Variants in ASXL2 observed in about 807,000 individuals in gnomAD.
ASXL2 encodes the protein ASXL transcriptional regulator 2.
In ASXL2, 23 loss-of-function variants were observed where a neutral mutation model predicts 122.0. The observed-to-expected ratio is 0.19, with a 90% CI of 0.14 to 0.27. ASXL2 has a LOEUF of 0.27. Ranked by LOEUF, ASXL2 falls within the 10% of genes least tolerant of loss-of-function variation. ASXL2 has a pLI of 1.00. For synonymous variants in ASXL2, 650 were observed against 637.0 expected, an observed-to-expected ratio of 1.02 and a Z score of -0.31; for missense variants, 1,518 against 1,713.8, an observed-to-expected ratio of 0.89 and a Z score of 2.02.
At chr2:25,845,587 AAATT>A in intron 1 of ASXL2, 24 bp from the exon 2 acceptor site, 1 of 1,012,148 alleles carries the variant, frequency 9.9e-7, no homozygotes, top group Non-Finnish European at 1.3e-6. Context: ...ATATAATAAT[AAATT>A]ATTTCTTATT....
At chr2:25,767,400 C>T (rs1026247834) in intron 8 of ASXL2, among the ~76,000 whole-genome samples, 183 bp downstream of exon 8, 4 of 152,164 alleles carry the variant, frequency 2.6e-5, no homozygotes, top group South Asian at 2.1e-4. Context: ...AAATCAATTC[C>T]GTTCCTGTTA....
At chr2:25,862,488 A>C (rs1315485396) in intron 1 of ASXL2, among the ~76,000 whole-genome samples, 1 of 152,230 alleles carries the variant, frequency 6.6e-6, no homozygotes, top group African/African-American at 2.4e-5. Flanking sequence ...CAAGAAGGGG[A>C]AAAATTAGTC....
At chr2:25,830,625 C>CAA (rs755161150) in intron 3 of ASXL2, among the ~76,000 whole-genome samples, 15 of 81,684 alleles carry the variant, frequency 1.8e-4, no homozygotes, top group South Asian at 8.0e-4. Context: ...GACTCTGCCT[C>CAA]AAAAAAAAAA....
At position 25,759,649 on chromosome 2, in the gene ASXL2, C is replaced by T; in HGVS notation, c.776-4G>A. 2 of 1,604,806 alleles carry T rather than the reference C, an allele frequency of 1.2e-6. No homozygotes were observed. The highest frequency in any genetic ancestry group is 1.7e-6 in the Non-Finnish European group (2 of 1,173,268). On this transcript the variant is annotated splice_polypyrimidine_tract_variant and splice_region_variant and intron_variant, in intron 8 of 12. Coordinates refer to ENST00000435504, the MANE Select transcript of ASXL2 (RefSeq NM_018263.6). ...CATTTAGTTCTTTTCATTTGTCCTA[C>T]AAAAACAGAGAAGAATCGTTTGGGC... is the stretch of plus-strand genomic sequence containing the variant.
At chr2:25,754,483 C>T (rs1007421066) in intron 10 of ASXL2, among the ~76,000 whole-genome samples, 4 of 152,084 alleles carry the variant, frequency 2.6e-5, no homozygotes, top group Non-Finnish European at 5.9e-5. Flanking sequence ...ACATCACAGT[C>T]GTGGGCAAAG....
intron 1 of ASXL2, among the ~76,000 whole-genome samples, chr2:25,854,108 T>C (rs1158701942): frequency 3.9e-5 from 6 of 152,172 alleles, no homozygotes; most frequent in African/African-American, 9.7e-5. Flanking sequence ...ATAGTTTACC[T>C]AGGGGTCCCT....
intron 3 of ASXL2, among the ~76,000 whole-genome samples, chr2:25,806,815 T>C (rs1210623514): frequency 6.6e-6 from 1 of 152,188 alleles, no homozygotes; most frequent in Non-Finnish European, 1.5e-5. Flanking sequence ...TAAAAAGTTA[T>C]TAAGTAGGCT....
At chr2:25,848,079 T>G (rs1321752577) in intron 1 of ASXL2, among the ~76,000 whole-genome samples, 1 of 152,184 alleles carries the variant, frequency 6.6e-6, no homozygotes, top group Non-Finnish European at 1.5e-5. Context: ...CACACATACA[T>G]CTGTCCAAGG....
rs1285275239 is a variant in ASXL2, at chr2:25,744,594, C to T, written c.1861-118G>A. ...TGAACACTACAGTACCTGTGACAAA[C>T]ATGGGTGGTCTATGGCCGAGAGGCC... On this transcript the variant is annotated intron_variant, in intron 12 of 12. Transcript: ENST00000435504. The surrounding 1 kb of genome is among the most constrained non-coding windows in gnomAD (Gnocchi z 4.7). The T allele has an allele frequency of 8.4e-7, 1 of 1,197,228 alleles. No individual in the cohort carries two copies. The highest frequency in any genetic ancestry group is 1.1e-6 in the Non-Finnish European group (1 of 880,342). The allele number at this position is 1,197,228 out of a possible 1,614,324, so 74.2% of individuals were successfully genotyped here. A position where few individuals can be genotyped will look rare whatever the true frequency, so the allele number is the denominator to read the frequency against.
chr2:25,858,289 G>A (rs959466095), intron 1 of ASXL2, among the ~76,000 whole-genome samples: 3 of 151,564 alleles, frequency 2.0e-5, no homozygotes, highest in African/African-American at 4.9e-5. Flanking sequence ...CCTATATAGC[G>A]AAAGCCAGAA....
intron 12 of ASXL2, among the ~76,000 whole-genome samples, chr2:25,745,965 C>T (rs957779484): frequency 3.3e-5 from 5 of 152,076 alleles, no homozygotes; most frequent in South Asian, 4.1e-4. Flanking sequence ...GATTTTCATA[C>T]CATAAAATCA....
chr2:25,820,893 G>A (rs753243893), intron 3 of ASXL2, among the ~76,000 whole-genome samples: 10 of 152,074 alleles, frequency 6.6e-5, no homozygotes, highest in African/African-American at 9.7e-5. Context: ...CAGGCCAGGC[G>A]CGGTGGCTCA....
At position 25,828,824 on chromosome 2, in the gene ASXL2, CAAAAAAAAAAAA is replaced by C. The variant is rs1031358836; in HGVS notation, c.143+6702_143+6713del. ...CAGGCAACAGTGTGAGACTGTGTCT[CAAAAAAAAAAAA>C]AAAAAAAAAAAACAACAACCTTGTC... On this transcript the variant is annotated intron_variant, in intron 3 of 12. Coordinates refer to ENST00000435504, the MANE Select transcript of ASXL2 (RefSeq NM_018263.6). Among the ~76,000 whole-genome samples the C allele has an allele frequency of 5.2e-4, 26 of 50,156 alleles. 1 individual carries two copies. The highest frequency in any genetic ancestry group is 1.9e-3 in the African/African-American group (23 of 11,878). The allele number at this position is 50,156 out of a possible 152,430, so 32.9% of individuals were successfully genotyped here.
chr2:25,799,570 T>G (rs1442841233), intron 4 of ASXL2, 35 bp from the exon 5 acceptor site: 1 of 1,571,764 alleles, frequency 6.4e-7, no homozygotes, highest in Admixed American at 1.9e-5. Context: ...GATTAATCAT[T>G]ACCATTTAAG....
At chr2:25,869,709 G>A (rs576872175) in intron 1 of ASXL2, among the ~76,000 whole-genome samples, 14 of 151,864 alleles carry the variant, frequency 9.2e-5, no homozygotes, top group African/African-American at 2.2e-4. Context: ...GCAGCTACTC[G>A]GGAGGCTGAG....
In ASXL2 at chr2:25,743,702, G is replaced by A; in HGVS notation, c.2635C>T (p.Pro879Ser). The A allele has an allele frequency of 3.7e-6, 6 of 1,614,002 alleles. No homozygotes were observed. Among genetic ancestry groups the A allele is most frequent in the Non-Finnish European group, 4.2e-6 (5 of 1,179,886 alleles). The part of the protein sequence containing the change: ...SASSKTDASV[P>S]VAVTPSPLTS... ...AAAGGGGAGGGAGTTACAGCCACTG[G>A]CACACTAGCATCTGTCTTTGATGAG... Residue 879 changes from proline to serine, a missense_variant, in exon 13 of 13, where the codon CCA (proline) becomes TCA (serine). Coordinates refer to ENST00000435504, the MANE Select transcript of ASXL2 (RefSeq NM_018263.6).
chr2:25,874,076 G>A (rs2089990462), intron 1 of ASXL2, among the ~76,000 whole-genome samples: 1 of 152,114 alleles, frequency 6.6e-6, no homozygotes, highest in Non-Finnish European at 1.5e-5. Flanking sequence ...GGGTGCAGTG[G>A]CCCACATCCG....
chr2:25,768,927 A>G lies in ASXL2; in HGVS notation c.505-59T>C. 3 of 1,535,600 alleles carry G rather than the reference A, an allele frequency of 2.0e-6. No homozygotes were observed. The South Asian group carries it at 3.7e-5, about 19-fold the overall frequency. On this transcript the variant is annotated intron_variant, in intron 6 of 12. Transcript: ENST00000435504. ...CCAATCAGTTTTTTAGTAATAATAT[A>G]AATTACTTCTTTTTTAAATGGCAAG...
intron 10 of ASXL2, among the ~76,000 whole-genome samples, chr2:25,754,132 T>TA (rs1302709635): frequency 6.6e-6 from 1 of 151,604 alleles, no homozygotes; most frequent in Admixed American, 6.6e-5. Flanking sequence ...AGTAAAAAGG[T>TA]AGGGAGTTAT....
Sources: allele counts gnomAD v4.1 joint callset (sites outside exome capture counted in the v4.1 genomes callset), GRCh38; gene constraint gnomAD v4.1.1; non-coding constraint Gnocchi (gnomAD v3.1); transcripts MANE v1.5; gene names NCBI Gene and HGNC (gene_info 2026-07-23, HGNC 2026-07-21).